The following CARMIL1 variants were observed in gnomAD, a reference collection of about 807,000 sequenced individuals.
The protein encoded by CARMIL1 is F-actin-uncapping protein LRRC16A.
Under a neutral mutation model 177.1 loss-of-function variants are expected in CARMIL1, and 90 were observed. That is an observed-to-expected ratio of 0.51 (90% CI 0.43 to 0.61). The LOEUF is 0.61. CARMIL1 is among the 20% of genes least tolerant of loss of function. The pLI is 0.00. For missense variants in CARMIL1, 1,380 were observed against 1,667.0 expected (o/e 0.83, Z 3.00); for synonymous variants, 577 against 606.2 (o/e 0.95, Z 0.71).
At chr6:25,536,287 A>T (rs541530720) in intron 24 of CARMIL1, among the ~76,000 whole-genome samples, 3 of 152,300 alleles carry the variant, frequency 2.0e-5, no homozygotes, top group African/African-American at 7.2e-5. Flanking sequence ...TTAAGATTTT[A>T]AAAAACTTAT....
At chr6:25,336,454 T>C (rs879890392) in intron 2 of CARMIL1, among the ~76,000 whole-genome samples, 8 of 152,218 alleles carry the variant, frequency 5.3e-5, no homozygotes, top group Non-Finnish European at 1.2e-4. Flanking sequence ...TGGGCTGTGG[T>C]CTCAGGTTGC....
At chr6:25,340,570 G>T (rs1246772593) in intron 2 of CARMIL1, among the ~76,000 whole-genome samples, 1 of 152,092 alleles carries the variant, frequency 6.6e-6, no homozygotes, top group Non-Finnish European at 1.5e-5. Flanking sequence ...ATGTAGCTTT[G>T]TTCCATAATG....
At chr6:25,544,641 A>ACACACACCCACC (rs1181480241) in intron 26 of CARMIL1, among the ~76,000 whole-genome samples, 1 of 143,990 alleles carries the variant, frequency 6.9e-6, no homozygotes, top group African/African-American at 2.6e-5. Flanking sequence ...ACACACACAC[A>ACACACACCCACC]CACACCCCAA....
chr6:25,602,563 T>C (rs900537949), intron 33 of CARMIL1, among the ~76,000 whole-genome samples: 1 of 152,330 alleles, frequency 6.6e-6, no homozygotes, highest in South Asian at 2.1e-4. Context: ...GTATTAATGA[T>C]CTGTTAGCGC....
chr6:25,588,928 C>G (rs752301672), intron 31 of CARMIL1, among the ~76,000 whole-genome samples: 3 of 152,200 alleles, frequency 2.0e-5, no homozygotes, highest in Non-Finnish European at 4.4e-5. Flanking sequence ...CAGTATCAGT[C>G]AGTTTGCCAT....
At chr6:25,392,501 T>C (rs1273724954) in intron 2 of CARMIL1, among the ~76,000 whole-genome samples, 4 of 152,224 alleles carry the variant, frequency 2.6e-5, no homozygotes, top group Admixed American at 2.6e-4. Context: ...TTTTCTCCTA[T>C]AGGATAAGCA....
At chr6:25,602,837 T>C (rs967040649) in intron 33 of CARMIL1, among the ~76,000 whole-genome samples, 7 of 152,230 alleles carry the variant, frequency 4.6e-5, no homozygotes, top group African/African-American at 1.4e-4. Context: ...ATTTGAGATA[T>C]ATACATATAA....
chr6:25,389,026 A>G (rs1455368679), intron 2 of CARMIL1: 1 of 152,220 alleles, frequency 6.6e-6, no homozygotes, highest in East Asian at 1.9e-4. Flanking sequence ...TGACTGCCCT[A>G]AGGGGAATTA....
intron 26 of CARMIL1, among the ~76,000 whole-genome samples, chr6:25,544,554 A>T (rs575308875): frequency 6.6e-5 from 10 of 152,028 alleles, no homozygotes; most frequent in South Asian, 4.1e-4. Flanking sequence ...ACAAATGAAG[A>T]TGAAAGCATT....
chr6:25,510,346 A>C (rs1805348528), intron 18 of CARMIL1, among the ~76,000 whole-genome samples, 161 bp from the exon 19 acceptor site: 1 of 152,168 alleles, frequency 6.6e-6, no homozygotes, highest in Non-Finnish European at 1.5e-5. Context: ...ATGAAAAGAG[A>C]GCAAAGAGTG....
At chr6:25,312,115 A>T (rs1783868306) in intron 2 of CARMIL1, among the ~76,000 whole-genome samples, 1 of 152,198 alleles carries the variant, frequency 6.6e-6, no homozygotes, top group African/African-American at 2.4e-5. Flanking sequence ...AAAATAAGAC[A>T]TCTTGTCAAG....
chr6:25,420,855 A>G (rs1194062787), intron 3 of CARMIL1, among the ~76,000 whole-genome samples: 4 of 152,244 alleles, frequency 2.6e-5, no homozygotes, highest in Non-Finnish European at 5.9e-5. Flanking sequence ...TCATTTTTAT[A>G]TGATATTGAC....
At chr6:25,281,136 G>GCGCACACACACACACACACACA (rs10642536) in intron 1 of CARMIL1, among the ~76,000 whole-genome samples, 2 of 132,102 alleles carry the variant, frequency 1.5e-5, no homozygotes, top group East Asian at 2.4e-4. Context: ...GTGCGCGCGC[G>GCGCACACACACACACACACACA]CACACACACA....
At chr6:25,583,833 C>T (rs375699862) in intron 31 of CARMIL1, among the ~76,000 whole-genome samples, 2,793 of 151,512 alleles carry the variant, frequency 0.018, 71 homozygotes, top group African/African-American at 0.058. Context: ...CCCCCCCACC[C>T]GCCTCCCGCC....
intron 23 of CARMIL1, among the ~76,000 whole-genome samples, chr6:25,526,342 CAAAA>C (rs535399136): frequency 3.7e-5 from 5 of 136,170 alleles, no homozygotes; most frequent in African/African-American, 1.4e-4. Context: ...GACTCCGTCT[CAAAA>C]AAAAAAGAAA....
chr6:25,488,732 T>C, intron 13 of CARMIL1, 147 bp downstream of exon 13: 1 of 679,294 alleles, frequency 1.5e-6, no homozygotes, highest in Admixed American at 2.4e-5. Flanking sequence ...TTATGAAGTG[T>C]TTTACTGAAA....
Position 25,600,621 on chromosome 6 carries a change from G to C in CARMIL1, c.3427G>C (p.Val1143Leu). 1 of 1,613,990 alleles carries C rather than the reference G, an allele frequency of 6.2e-7. No homozygotes were observed. ...GAGTCAAGGGGAAGAAATAGGGAAG[G>C]TGGAACGGAGTGACAGCAAGAGCAG... ...EESQGEEIGK[V>L]ERSDSKSSPQ... Residue 1143 changes from valine to leucine, a missense_variant, in exon 33 of 37, where the codon GTG becomes CTG. Physicochemically the swap from Val to Leu is conservative, Grantham distance 32. Coordinates refer to ENST00000329474, the MANE Select transcript of CARMIL1 (RefSeq NM_017640.6).
At chr6:25,480,878 G>A (rs1464954936) in intron 11 of CARMIL1, among the ~76,000 whole-genome samples, 3 of 151,046 alleles carry the variant, frequency 2.0e-5, no homozygotes, top group East Asian at 1.9e-4. Flanking sequence ...CCGCCACCAC[G>A]CCCGGCTAAT....
At chr6:25,379,664 G>A (rs570649718) in intron 2 of CARMIL1, among the ~76,000 whole-genome samples, 2 of 152,244 alleles carry the variant, frequency 1.3e-5, no homozygotes, top group African/African-American at 4.8e-5. Context: ...ATGGGTACAG[G>A]TCAGGGTGAA....
Sources: gnomAD v4.1 joint callset for allele counts (sites outside exome capture counted in the v4.1 genomes callset) on GRCh38, gnomAD v4.1.1 for gene constraint, MANE v1.5 for transcripts, NCBI Gene and HGNC (gene_info 2026-07-23, HGNC 2026-07-21) for gene names.